The following GTF2A1 variants were observed in gnomAD, a reference collection of about 807,000 sequenced individuals.
GTF2A1 encodes the protein general transcription factor IIA subunit 1.
Under a neutral mutation model 54.1 loss-of-function variants are expected in GTF2A1, and 12 were observed. That is an observed-to-expected ratio of 0.22 (90% CI 0.14 to 0.36). The LOEUF (loss-of-function observed/expected upper bound fraction) is 0.36, where lower values mean the gene tolerates loss of function less well. Ranked by LOEUF, GTF2A1 falls within the 10% of genes least tolerant of loss-of-function variation. GTF2A1 has a pLI of 1.00. For missense variants in GTF2A1, 335 were observed against 442.2 expected, an observed-to-expected ratio of 0.76 and a Z score of 2.17; for synonymous variants, 145 against 152.0, an observed-to-expected ratio of 0.95 and a Z score of 0.34.
chr14:81,203,901 T>C lies in GTF2A1; in HGVS notation c.336A>G (p.Gln112=), dbSNP rs188092786. Residue 112 remains glutamine (Q), a splice_region_variant and synonymous_variant, in exon 3 of 9, where the codon CAA becomes CAG. Transcript: ENST00000553612. ...GTAGGAAAACAAGTCCAGTCTCACC[T>C]TGCTGTGATGCAGGAATAAGAACCT... ...TQQVLIPASQ[Q]ATAPQVIVPD... 118 of 1,610,712 alleles carry C rather than the reference T, an allele frequency of 7.3e-5. No homozygotes were observed. The East Asian group carries it at 2.6e-3, about 36-fold the overall frequency.
chr14:81,194,760 C>G (rs1318362859), intron 6 of GTF2A1, among the ~76,000 whole-genome samples: 1 of 152,118 alleles, frequency 6.6e-6, no homozygotes, highest in Non-Finnish European at 1.5e-5. Flanking sequence ...TTCAAAGAAA[C>G]AAGATCCACA....
chr14:81,199,459 T>G (rs1400665126), intron 4 of GTF2A1, among the ~76,000 whole-genome samples: 1 of 152,208 alleles, frequency 6.6e-6, no homozygotes, highest in African/African-American at 2.4e-5. Flanking sequence ...TACTATATTA[T>G]CTCACGTTTT....
chr14:81,213,053 G>C (rs774116555), intron 2 of GTF2A1, among the ~76,000 whole-genome samples: 2 of 152,192 alleles, frequency 1.3e-5, no homozygotes. Flanking sequence ...AACCCAGATA[G>C]AAGAGTATGG....
chr14:81,185,658 G>A (rs748509330), intron 7 of GTF2A1, 38 bp from the exon 8 acceptor site: 33 of 1,095,080 alleles, frequency 3.0e-5, no homozygotes, highest in South Asian at 5.4e-5. Flanking sequence ...CTATAAGAAG[G>A]CCTTAATATT....
Position 81,177,840 on chromosome 14 carries a change from C to CTAAA in GTF2A1, c.*2379_*2382dup, listed in dbSNP as rs1202021110. On this transcript the variant is annotated 3_prime_UTR_variant, in exon 9 of 9. Transcript: ENST00000553612. ...TACAGCAAAAGCTACTATAATAAAA[C>CTAAA]TAAAACATGCTATTTGATTAAAAAG... is the stretch of plus-strand genomic sequence containing the variant. The CTAAA allele has an allele frequency of 6.6e-6, 1 of 152,032 alleles. No individual in the cohort carries two copies. The highest frequency in any genetic ancestry group is 2.4e-5 in the African/African-American group (1 of 41,432). 9.4% of individuals were successfully genotyped at this position (152,032 alleles called of 1,614,324 possible). A position where few individuals can be genotyped will look rare whatever the true frequency, so the allele number is the denominator to read the frequency against.
rs895562035 is a variant in GTF2A1, at chr14:81,205,120, AT to A, written c.133-1017del. Among the ~76,000 whole-genome samples the A allele has an allele frequency of 7.1e-3, 1,042 of 146,650 alleles. 11 individuals carry two copies. The highest frequency in any genetic ancestry group is 0.024 in the African/African-American group (952 of 40,144). On this transcript the variant is annotated intron_variant, in intron 2 of 8. Coordinates refer to ENST00000553612, the MANE Select transcript of GTF2A1 (RefSeq NM_015859.4). ...TCACAGAGAGTTTCTTTATTTTTTTATTTTTTTTTTTAATTTAAGAAATAGT... is the reference window on the plus strand; with the variant it reads ...TCACAGAGAGTTTCTTTATTTTTTTATTTTTTTTTTAATTTAAGAAATAGT...
At chr14:81,214,078 G>T (rs1401182536) in intron 2 of GTF2A1, among the ~76,000 whole-genome samples, 1 of 151,794 alleles carries the variant, frequency 6.6e-6, no homozygotes. Context: ...CCTCACACAG[G>T]AATATTCTTA....
Position 81,178,987 on chromosome 14 carries a change from T to C in GTF2A1, c.*1236A>G, listed in dbSNP as rs1892585514. 6.6e-6 allele frequency: 1 copy of C among 152,190 alleles called. No homozygotes were observed. Among genetic ancestry groups the C allele is most frequent in the East Asian group, 1.9e-4 (1 of 5,198 alleles). The allele number at this position is 152,190 out of a possible 1,614,324, so 9.4% of individuals were successfully genotyped here. On this transcript the variant is annotated 3_prime_UTR_variant, in exon 9 of 9. Coordinates refer to ENST00000553612, the MANE Select transcript of GTF2A1 (RefSeq NM_015859.4). The stretch of plus-strand genomic sequence containing the variant: ...CATATTACATTTCTATTATTTTTAA[T>C]ATACAAGTCAAATTTCTATGCTTTC...
chr14:81,186,127 C>T (rs1892740011), intron 7 of GTF2A1, among the ~76,000 whole-genome samples: 2 of 152,222 alleles, frequency 1.3e-5, no homozygotes, highest in African/African-American at 2.4e-5. Flanking sequence ...GCTGGGATTA[C>T]AGGCGTGAGC....
chr14:81,186,787 A>G (rs1892757233), intron 7 of GTF2A1, among the ~76,000 whole-genome samples: 1 of 152,056 alleles, frequency 6.6e-6, no homozygotes. Context: ...CACCTCTACA[A>G]AAAATAAAAA....
chr14:81,203,420 A>T (rs1893156986), intron 3 of GTF2A1, among the ~76,000 whole-genome samples: 1 of 152,240 alleles, frequency 6.6e-6, no homozygotes, highest in Non-Finnish European at 1.5e-5. Context: ...TTGCCAAAGT[A>T]TACAAAAAAC....
intron 3 of GTF2A1, among the ~76,000 whole-genome samples, 186 bp downstream of exon 3, chr14:81,203,714 T>C (rs1242164790): frequency 6.6e-6 from 1 of 152,182 alleles, no homozygotes; most frequent in African/African-American, 2.4e-5. Context: ...TACATTTACA[T>C]ACACATCCCT....
chr14:81,215,997 G>T (rs1374650392), intron 2 of GTF2A1, among the ~76,000 whole-genome samples: 1 of 152,204 alleles, frequency 6.6e-6, no homozygotes, highest in Non-Finnish European at 1.5e-5. Context: ...TCCAGCCTGG[G>T]CGACAGAGCC....
chr14:81,196,227 C>T lies in GTF2A1; in HGVS notation c.493G>A (p.Val165Met). The change falls in exon 6 of 9, where the codon GTG becomes ATG. Residue 165 changes from valine (V) to methionine (M), a missense_variant. Physicochemically the swap from Val to Met is conservative, Grantham distance 21. Around this residue, in one of 2 missense-constraint regions of GTF2A1, gnomAD observed 306 missense variants for 360.4 expected, o/e 0.85. Transcript: ENST00000553612. The stretch of plus-strand genomic sequence containing the variant: ...TGGGCACCATTGGCTGCTCTGACCA[C>T]CTGAAGAAGCTGGCCTAAAGCAAAA... ...ILTNSGQLLQ[V>M]VRAANGAQYI... 1 of 1,614,094 alleles carries T rather than the reference C, an allele frequency of 6.2e-7. No homozygotes were observed. Among genetic ancestry groups the T allele is most frequent in the East Asian group, 2.2e-5 (1 of 44,878 alleles).
At position 81,216,394 on chromosome 14, in the gene GTF2A1, A is replaced by T. The variant is rs369109303; in HGVS notation, c.132+19T>A. 533 of 1,048,356 alleles carry T rather than the reference A, an allele frequency of 5.1e-4. 5 individuals are homozygous for T. Among genetic ancestry groups the T allele is most frequent in the African/African-American group, 3.4e-3 (213 of 62,956 alleles). 64.9% of individuals were successfully genotyped at this position (1,048,356 alleles called of 1,614,324 possible). ...TGTGGGGGAAAAGTAGGAATATTTT[A>T]AAAAAAAGACAAACTCACAGTTTTT... On this transcript the variant is annotated intron_variant, in intron 2 of 8. Coordinates refer to ENST00000553612, the MANE Select transcript of GTF2A1 (RefSeq NM_015859.4).
intron 1 of GTF2A1, among the ~76,000 whole-genome samples, chr14:81,217,354 C>T (rs1893509365): frequency 1.3e-5 from 2 of 152,122 alleles, no homozygotes; most frequent in African/African-American, 4.8e-5. Context: ...CAATCCACAT[C>T]CTATTTTTTC....
At chr14:81,180,390 TAAC>T in intron 8 of GTF2A1, 60 bp from the exon 9 acceptor site, 1 of 791,710 alleles carries the variant, frequency 1.3e-6, no homozygotes. Context: ...AGAAAACAAG[TAAC>T]AAAAAACCCA....
intron 7 of GTF2A1, among the ~76,000 whole-genome samples, chr14:81,188,917 A>G (rs1296548549): frequency 6.6e-6 from 1 of 152,222 alleles, no homozygotes; most frequent in African/African-American, 2.4e-5. Context: ...TAGGGGTCCA[A>G]CTTAACTCTT....
In GTF2A1 at chr14:81,220,686, G is replaced by A. The variant is rs1392906424; in HGVS notation, c.-168C>T. On this transcript the variant is annotated 5_prime_UTR_variant, in exon 1 of 9. Transcript: ENST00000553612. ...GAAGGAGTAGGGGAGAGCGGAGAGA[G>A]GAGGAGGAGGGGGGCACTCCTCCCG... 8 of 404,122 alleles carry A rather than the reference G, an allele frequency of 2.0e-5. No individual in the cohort carries two copies. The highest frequency in any genetic ancestry group is 3.0e-5 in the Non-Finnish European group (7 of 229,582). The allele number at this position is 404,122 out of a possible 1,614,324, so 25.0% of individuals were successfully genotyped here.
Sources: allele counts gnomAD v4.1 joint callset (sites outside exome capture counted in the v4.1 genomes callset), GRCh38; gene constraint gnomAD v4.1.1; regional missense constraint gnomAD v4.1.1; transcripts MANE v1.5; gene names NCBI Gene and HGNC (gene_info 2026-07-23, HGNC 2026-07-21).